CRPPA: variants seen among roughly 807,000 people sequenced by gnomAD.
CRPPA encodes CDP-L-ribitol pyrophosphorylase A.
In CRPPA, 43 loss-of-function variants were observed where a neutral mutation model predicts 52.0. The observed-to-expected ratio is 0.83, with a 90% CI of 0.65 to 1.07. The LOEUF is 1.07. CRPPA is among the 50% of genes least tolerant of loss of function. The probability of loss-of-function intolerance (pLI) is 0.00; values close to 1 mark genes in which losing one functional copy is unlikely to be tolerated. For synonymous variants in CRPPA, 250 were observed against 203.5 expected, an observed-to-expected ratio of 1.23 and a Z score of -1.94; for missense variants, 629 against 551.7, an observed-to-expected ratio of 1.14 and a Z score of -1.40.
At chr7:16,204,974 C>A (rs1781938776) in intron 9 of CRPPA, among the ~76,000 whole-genome samples, 1 of 152,148 alleles carries the variant, frequency 6.6e-6, no homozygotes, top group Non-Finnish European at 1.5e-5. Context: ...AGATATCTCT[C>A]CACGATTCTT....
At chr7:16,419,023 A>C (rs1428295543) in intron 1 of CRPPA, among the ~76,000 whole-genome samples, 1 of 152,176 alleles carries the variant, frequency 6.6e-6, no homozygotes, top group African/African-American at 2.4e-5. Flanking sequence ...TTCATATATG[A>C]GCTATGTTGT....
intron 1 of CRPPA, among the ~76,000 whole-genome samples, chr7:16,419,478 G>A (rs141704819): frequency 6.6e-6 from 1 of 152,256 alleles, no homozygotes; most frequent in East Asian, 1.9e-4. Flanking sequence ...GGACCAGTCT[G>A]CCTTCACAGG....
intron 5 of CRPPA, among the ~76,000 whole-genome samples, chr7:16,299,131 A>G (rs920280218): frequency 1.3e-5 from 2 of 152,208 alleles, no homozygotes; most frequent in African/African-American, 4.8e-5. Flanking sequence ...ACACTAGGAA[A>G]ATGCCTACAG....
intron 2 of CRPPA, among the ~76,000 whole-genome samples, chr7:16,389,283 A>G (rs1172123044): frequency 2.0e-5 from 3 of 152,160 alleles, no homozygotes; most frequent in Non-Finnish European, 4.4e-5. Context: ...AAAAACAAAG[A>G]CTGCACAAGA....
chr7:16,364,239 A>G (rs1299937664), intron 3 of CRPPA, among the ~76,000 whole-genome samples: 1 of 152,248 alleles, frequency 6.6e-6, no homozygotes, highest in Non-Finnish European at 1.5e-5. Flanking sequence ...GGTCATAATA[A>G]TAGTGTCCAT....
At chr7:16,410,566 T>C (rs538518211) in intron 1 of CRPPA, among the ~76,000 whole-genome samples, 10 of 152,100 alleles carry the variant, frequency 6.6e-5, no homozygotes, top group African/African-American at 1.9e-4. Flanking sequence ...CTTAACCCAA[T>C]ACAATCCATT....
intron 9 of CRPPA, among the ~76,000 whole-genome samples, chr7:16,093,980 G>C (rs1290585591): frequency 1.3e-5 from 2 of 152,088 alleles, no homozygotes; most frequent in African/African-American, 2.4e-5. Context: ...GTTTATACTT[G>C]TTATAATGAA....
intron 1 of CRPPA, among the ~76,000 whole-genome samples, chr7:16,415,835 C>A (rs1377194549): frequency 6.6e-6 from 1 of 152,150 alleles, no homozygotes; most frequent in African/African-American, 2.4e-5. Context: ...GTGTAAGTGG[C>A]AGTCTTTAAC....
rs1562608597 is a variant in CRPPA, at chr7:16,286,077, A to T, written c.836-7851T>A. Among the ~76,000 whole-genome samples, 226 of 42,228 alleles carry T rather than the reference A, an allele frequency of 5.4e-3. 14 individuals are homozygous for T. The highest frequency in any genetic ancestry group is 8.7e-3 in the Non-Finnish European group (193 of 22,250). The allele number at this position is 42,228 out of a possible 152,430, so 27.7% of individuals were successfully genotyped here. ...TATATATATATATATATATATATAT[A>T]TATAATATTTAAAAAAAAAAATATA... On this transcript the variant is annotated intron_variant, in intron 5 of 9. Transcript: ENST00000407010.
At chr7:16,189,892 T>G (rs1314068190) in intron 9 of CRPPA, among the ~76,000 whole-genome samples, 1 of 152,182 alleles carries the variant, frequency 6.6e-6, no homozygotes, top group East Asian at 1.9e-4. Context: ...ATTGCTTTAG[T>G]CTTTTAAAAC....
At chr7:16,099,397 AGGAAGGGGAGGGAAGGGGAGGGGAG>A (rs1374493886) in intron 9 of CRPPA, among the ~76,000 whole-genome samples, 33 of 113,820 alleles carry the variant, frequency 2.9e-4, no homozygotes, top group Non-Finnish European at 4.6e-4. Context: ...GGAGGGGAGA[AGGAAGGGGAGGGAAGGGGAGGGGAG>A]GGAAGGGGAG....
At chr7:16,188,667 G>T (rs1448394706) in intron 9 of CRPPA, among the ~76,000 whole-genome samples, 1 of 152,084 alleles carries the variant, frequency 6.6e-6, no homozygotes, top group Admixed American at 6.6e-5. Flanking sequence ...ACCTAGAGAA[G>T]TCAGTTCATT....
At chr7:16,413,743 C>A (rs753285020) in intron 1 of CRPPA, among the ~76,000 whole-genome samples, 9 of 152,068 alleles carry the variant, frequency 5.9e-5, no homozygotes, top group Non-Finnish European at 1.3e-4. Flanking sequence ...TTTTAAAAAA[C>A]AAAGTTAATA....
rs1168595003 is a variant in CRPPA at position 16,087,605 on chromosome 7, T to A, written c.*4090A>T. 2 of 152,008 alleles carry A rather than the reference T, an allele frequency of 1.3e-5. No homozygotes were observed. The highest frequency in any genetic ancestry group is 1.3e-4 in the Admixed American group (2 of 15,256). 9.4% of individuals were successfully genotyped at this position (152,008 alleles called of 1,614,324 possible). On this transcript the variant is annotated 3_prime_UTR_variant, in exon 10 of 10. Transcript: ENST00000407010. ...AGAATCTTTATAGTACTTTTCAATG[T>A]CACCTTAAAAATATGCATATGCTTC...
intron 3 of CRPPA, among the ~76,000 whole-genome samples, chr7:16,319,782 C>T (rs775016835): frequency 6.6e-6 from 1 of 152,176 alleles, no homozygotes; most frequent in Non-Finnish European, 1.5e-5. Flanking sequence ...CCTTCTACAG[C>T]ATCCTATGTT....
chr7:16,181,529 T>C (rs1444088888), intron 9 of CRPPA, among the ~76,000 whole-genome samples: 6 of 152,030 alleles, frequency 3.9e-5, no homozygotes, highest in African/African-American at 1.2e-4. Context: ...AAAACACATA[T>C]GTAGTATCGA....
rs80184773 is a variant in CRPPA at position 16,415,434 on chromosome 7, G to A, written c.257+5632C>T. ...GAGTACCGAACTCAAGTCATTAGCT[G>A]TGCTAATTCTCAGCCAGAGAATAAG... On this transcript the variant is annotated intron_variant, in intron 1 of 9. Coordinates refer to ENST00000407010, the MANE Select transcript of CRPPA (RefSeq NM_001101426.4). Among the ~76,000 whole-genome samples, 436 of 152,222 alleles carry A rather than the reference G, an allele frequency of 2.9e-3. 1 individual carries two copies. The highest frequency in any genetic ancestry group is 5.4e-3 in the Non-Finnish European group (364 of 68,012).
intron 9 of CRPPA, among the ~76,000 whole-genome samples, chr7:16,123,605 G>A (rs146274556): frequency 5.3e-5 from 8 of 152,238 alleles, no homozygotes; most frequent in Non-Finnish European, 1.2e-4. Flanking sequence ...ATGTAATAGT[G>A]ATGATAAACT....
At chr7:16,152,442 A>G (rs922480663) in intron 9 of CRPPA, among the ~76,000 whole-genome samples, 1 of 152,010 alleles carries the variant, frequency 6.6e-6, no homozygotes, top group African/African-American at 2.4e-5. Context: ...TAAAAATGTT[A>G]TATTGGGACT....
Sources: allele counts gnomAD v4.1 joint callset (sites outside exome capture counted in the v4.1 genomes callset), GRCh38; gene constraint gnomAD v4.1.1; transcripts MANE v1.5; gene names NCBI Gene and HGNC (gene_info 2026-07-23, HGNC 2026-07-21).